Variants in NEK11 observed in about 807,000 individuals in gnomAD.
NEK11 encodes the protein NIMA related kinase 11.
Under a neutral mutation model 80.7 loss-of-function variants are expected in NEK11, and 72 were observed. The observed-to-expected ratio is 0.89, with a 90% CI of 0.74 to 1.08. NEK11 has a LOEUF of 1.08. Among genes scored for constraint, NEK11 ranks in the 50% least tolerant of loss-of-function variants. The probability of loss-of-function intolerance (pLI) is 0.00; values close to 1 mark genes in which losing one functional copy is unlikely to be tolerated. For synonymous variants in NEK11, 251 were observed against 260.7 expected, an observed-to-expected ratio of 0.96 and a Z score of 0.36; for missense variants, 764 against 763.6, an observed-to-expected ratio of 1.00 and a Z score of -0.01.
At chr3:131,261,085 G>T (rs1205175292) in intron 16 of NEK11, among the ~76,000 whole-genome samples, 1 of 152,168 alleles carries the variant, frequency 6.6e-6, no homozygotes, top group Non-Finnish European at 1.5e-5. Flanking sequence ...ATTTTTCAAA[G>T]AAATGAGAGA....
chr3:131,171,799 C>T (rs533065864), intron 14 of NEK11, among the ~76,000 whole-genome samples: 2 of 152,248 alleles, frequency 1.3e-5, no homozygotes, highest in East Asian at 3.9e-4. Context: ...CCAGTCTCCC[C>T]AGTGCCTAGA....
chr3:131,294,590 G>A (rs1422723133), intron 17 of NEK11, among the ~76,000 whole-genome samples: 2 of 151,952 alleles, frequency 1.3e-5, no homozygotes, highest in African/African-American at 4.8e-5. Flanking sequence ...CAATGGTATT[G>A]TCAAGTTCAA....
intron 17 of NEK11, among the ~76,000 whole-genome samples, chr3:131,285,567 T>C (rs2096460499): frequency 6.6e-6 from 1 of 152,216 alleles, no homozygotes; most frequent in Admixed American, 6.5e-5. Flanking sequence ...ACTTCTCTAT[T>C]TTGAAAAACA....
chr3:131,268,106 T>G (rs1255467570), intron 16 of NEK11, among the ~76,000 whole-genome samples: 1 of 152,234 alleles, frequency 6.6e-6, no homozygotes, highest in African/African-American at 2.4e-5. Context: ...CGTGCTGTGT[T>G]TTTCAACTCC....
chr3:131,118,386 T>C lies in NEK11; in HGVS notation c.455+8465T>C, dbSNP rs535570425. Among the ~76,000 whole-genome samples, 14 of 152,352 alleles carry C rather than the reference T, an allele frequency of 9.2e-5. No homozygotes were observed. The East Asian group carries it at 9.6e-4, about 10-fold the overall frequency. ...TTGGATTCAGTTTGCCAGTATTTTATTGAGGATTTTTGCATCGATGTTCCT... is the reference window on the plus strand; with the variant it reads ...TTGGATTCAGTTTGCCAGTATTTTACTGAGGATTTTTGCATCGATGTTCCT... On this transcript the variant is annotated intron_variant, in intron 5 of 17. Coordinates refer to ENST00000383366, the MANE Select transcript of NEK11 (RefSeq NM_024800.5).
intron 17 of NEK11, among the ~76,000 whole-genome samples, chr3:131,337,286 TA>T (rs1262487373): frequency 6.6e-6 from 1 of 152,058 alleles, no homozygotes; most frequent in Admixed American, 6.6e-5. Context: ...TATGCAGCCA[TA>T]AAAAATGATG....
At chr3:131,102,944 A>G (rs2078622388) in intron 4 of NEK11, among the ~76,000 whole-genome samples, 2 of 152,156 alleles carry the variant, frequency 1.3e-5, no homozygotes, top group Non-Finnish European at 2.9e-5. Flanking sequence ...TTCTTTTCTC[A>G]GCTTTGATCC....
At chr3:131,308,911 T>C (rs951843385) in intron 17 of NEK11, among the ~76,000 whole-genome samples, 5 of 152,190 alleles carry the variant, frequency 3.3e-5, no homozygotes, top group African/African-American at 7.2e-5. Flanking sequence ...AGGTATTAGT[T>C]AGAATCTCAT....
At chr3:131,303,996 T>C (rs1016846042) in intron 17 of NEK11, among the ~76,000 whole-genome samples, 6 of 152,236 alleles carry the variant, frequency 3.9e-5, no homozygotes, top group Non-Finnish European at 8.8e-5. Context: ...CAGTGAGTCA[T>C]AGATTTGGTC....
chr3:131,214,695 A>ATGTG (rs57370577), intron 14 of NEK11, among the ~76,000 whole-genome samples: 7,381 of 147,510 alleles, frequency 0.05, 301 homozygotes, highest in African/African-American at 0.11. Flanking sequence ...ATGTGCGTGC[A>ATGTG]TGTGTGTGTG....
chr3:131,133,745 A>C lies in NEK11; in HGVS notation c.521-85A>C, dbSNP rs191929035. 1,614 of 1,036,540 alleles carry C rather than the reference A, an allele frequency of 1.6e-3. 6 individuals carry two copies. Among genetic ancestry groups the C allele is most frequent in the Middle Eastern group, 5.0e-3 (20 of 4,002 alleles). The allele number at this position is 1,036,540 out of a possible 1,614,324, so 64.2% of individuals were successfully genotyped here. ...GAACCATTGCATAATAAAATGGTCAAATTAGGCACTCATTCAGTTGTTAAT... is the reference window on the plus strand; with the variant it reads ...GAACCATTGCATAATAAAATGGTCACATTAGGCACTCATTCAGTTGTTAAT... On this transcript the variant is annotated intron_variant, in intron 6 of 17. Coordinates refer to ENST00000383366, the MANE Select transcript of NEK11 (RefSeq NM_024800.5).
chr3:131,230,133 A>T (rs2095301352), intron 15 of NEK11, among the ~76,000 whole-genome samples: 1 of 146,422 alleles, frequency 6.8e-6, no homozygotes, highest in Non-Finnish European at 1.5e-5. Context: ...TCAAAGCATC[A>T]AGCGGTAAAA....
At chr3:131,178,231 C>T (rs1458555106) in intron 14 of NEK11, among the ~76,000 whole-genome samples, 1 of 152,158 alleles carries the variant, frequency 6.6e-6, no homozygotes, top group Non-Finnish European at 1.5e-5. Context: ...CTACTGTTTA[C>T]TACTGTAGAC....
intron 17 of NEK11, among the ~76,000 whole-genome samples, chr3:131,297,736 C>T (rs2096612064): frequency 6.6e-6 from 1 of 152,054 alleles, no homozygotes; most frequent in South Asian, 2.1e-4. Flanking sequence ...GAAGTCCTTG[C>T]CCATGCCTAT....
intron 7 of NEK11, among the ~76,000 whole-genome samples, chr3:131,138,396 A>C (rs535363315): frequency 1.3e-5 from 2 of 152,314 alleles, no homozygotes; most frequent in East Asian, 3.9e-4. Context: ...CCACAGTAGA[A>C]TATAACACCA....
rs919588187 is a variant in NEK11, at chr3:131,101,742, CAGTGGGTGAAGTGTTAAGTCCAT to C, written c.337-8057_337-8035del. 7.2e-5 allele frequency among the ~76,000 whole-genome samples: 11 copies of C among 152,172 alleles called. No individual in the cohort carries two copies. The South Asian group carries it at 8.3e-4, about 11-fold the overall frequency. ...GTGTTCTATAAATGTTTATTATGTC[CAGTGGGTGAAGTGTTAAGTCCAT>C]AGTTTCTTTGTTAGTTTTCTGCCTT... On this transcript the variant is annotated intron_variant, in intron 4 of 17. Coordinates refer to ENST00000383366, the MANE Select transcript of NEK11 (RefSeq NM_024800.5).
rs1416206954 is a variant in NEK11, at chr3:131,201,888, G to T, written c.1400-26640G>T. Among the ~76,000 whole-genome samples, 3 of 152,104 alleles carry T rather than the reference G, an allele frequency of 2.0e-5. No homozygotes were observed. In the East Asian group the frequency reaches 5.8e-4, roughly 29 times the overall value. ...CTCGTTCTGTCGCCCAGGCTGGAGC[G>T]CAGTGGCACAATCTCTGCTCGCTGC... On this transcript the variant is annotated intron_variant, in intron 14 of 17. Transcript: ENST00000383366.
chr3:131,051,614 G>A (rs922312741), intron 3 of NEK11, among the ~76,000 whole-genome samples: 2 of 152,130 alleles, frequency 1.3e-5, no homozygotes, highest in African/African-American at 4.8e-5. Context: ...ACCAATCAGA[G>A]TTTAAATATG....
intron 3 of NEK11, among the ~76,000 whole-genome samples, chr3:131,050,995 A>T (rs66520849): frequency 0.17 from 26,615 of 152,228 alleles, 2,430 homozygotes; most frequent in Non-Finnish European, 0.21. Context: ...ATTGCACCAC[A>T]GCATCCCATC....
Sources: allele counts gnomAD v4.1 joint callset (sites outside exome capture counted in the v4.1 genomes callset), GRCh38; gene constraint gnomAD v4.1.1; transcripts MANE v1.5; gene names NCBI Gene and HGNC (gene_info 2026-07-23, HGNC 2026-07-21).